Variants in HMX2 observed in about 807,000 individuals in gnomAD.
The protein encoded by HMX2 is H6 family homeobox 2, also known as homeobox protein HMX2.
A neutral mutation model predicts 21.2 loss-of-function variants in HMX2; 15 were observed. The observed-to-expected ratio is 0.71, with a 90% CI of 0.47 to 1.09. The LOEUF (loss-of-function observed/expected upper bound fraction) is 1.09. Among genes scored for constraint, HMX2 ranks in the 50% least tolerant of loss-of-function variants. The pLI is 0.00. For missense variants in HMX2, 440 were observed against 381.5 expected (o/e 1.15, Z -1.28); for synonymous variants, 193 against 181.0 (o/e 1.07, Z -0.53).
In HMX2 at chr10:123,148,385, A is replaced by G; in HGVS notation, c.7A>G (p.Ser3Gly). The G allele has an allele frequency of 6.2e-7, 1 of 1,613,236 alleles. No homozygotes were observed. The highest frequency in any genetic ancestry group is 1.3e-5 in the African/African-American group (1 of 74,950). ...GATTTCTTATGAACCCAGGATGGGC[A>G]GCAAAGAAGATGCGGGCAAGGGGTG... Reference protein sequence around the residue: MGSKEDAGKGCPA... With the variant: MGGKEDAGKGCPA... Residue 3 changes from serine to glycine, a missense_variant, in exon 1 of 2, where the codon AGC becomes GGC. By Grantham distance (56) the Ser-to-Gly change is moderately conservative. Coordinates refer to ENST00000339992, the MANE Select transcript of HMX2 (RefSeq NM_005519.2).
chr10:123,150,186 G>A lies in HMX2; in HGVS notation c.*63G>A. On this transcript the variant is annotated 3_prime_UTR_variant, in exon 2 of 2. Transcript: ENST00000339992. The surrounding 1 kb of genome is among the most constrained non-coding windows in gnomAD (Gnocchi z 4.2). ...GAGCCGGGCGCGTACTGTACTGTAA[G>A]CAGGGCTCCGGAGCAAGGCGGCGTG... The A allele has an allele frequency of 7.4e-7, 1 of 1,357,132 alleles. No homozygotes were observed. Among genetic ancestry groups the A allele is most frequent in the Non-Finnish European group, 9.8e-7 (1 of 1,021,774 alleles). 84.1% of individuals were successfully genotyped at this position (1,357,132 alleles called of 1,614,324 possible).
At position 123,149,065 on chromosome 10, in the gene HMX2, T is replaced by TTC. The variant is rs141749689; in HGVS notation, c.268+430_268+431dup. ...CCTCACTCGCTCCGTATCTCTGCCT[T>TTC]TCTCTCTCTCTCCTCCTTGGAATGA... On this transcript the variant is annotated intron_variant, in intron 1 of 1. Coordinates refer to ENST00000339992, the MANE Select transcript of HMX2 (RefSeq NM_005519.2). This position sits in a 1 kb window ranked among gnomAD's most constrained non-coding sequence, Gnocchi z 5.4. Among the ~76,000 whole-genome samples the TTC allele has an allele frequency of 6.2e-4, 95 of 152,220 alleles. No individual in the cohort carries two copies. Among genetic ancestry groups the TTC allele is most frequent in the African/African-American group, 2.0e-3 (81 of 41,532 alleles).
rs752390801 is a variant in HMX2, at chr10:123,149,658, G to T, written c.357G>T (p.Glu119Asp). Residue 119 changes from glutamate (E) to aspartate (D), a missense_variant, in exon 2 of 2, where the codon GAG (glutamate) becomes GAT (aspartate). By Grantham distance (45) the Glu-to-Asp change is conservative. Transcript: ENST00000339992. The surrounding 1 kb of genome is among the most constrained non-coding windows in gnomAD (Gnocchi z 5.4). ...LSPSHSDFKE[E>D]KERLLPAGSP... ...CTTCGCACTCGGACTTTAAAGAAGA[G>T]AAAGAGAGGCTCCTGCCCGCGGGCT... 27 of 1,559,430 alleles carry T rather than the reference G, an allele frequency of 1.7e-5. No individual in the cohort carries two copies. The highest frequency in any genetic ancestry group is 2.2e-5 in the Non-Finnish European group (25 of 1,159,074).
Position 123,150,157 on chromosome 10 carries a change from C to A in HMX2, c.*34C>A, listed in dbSNP as rs1346623023. 6.7e-7 allele frequency: 1 copy of A among 1,491,952 alleles called. No individual in the cohort carries two copies. The highest frequency in any genetic ancestry group is 1.3e-5 in the South Asian group (1 of 77,744). 92.4% of individuals were successfully genotyped at this position (1,491,952 alleles called of 1,614,324 possible). A position where few individuals can be genotyped will look rare whatever the true frequency, so the allele number is the denominator to read the frequency against. On this transcript the variant is annotated 3_prime_UTR_variant, in exon 2 of 2. Coordinates refer to ENST00000339992, the MANE Select transcript of HMX2 (RefSeq NM_005519.2). The surrounding 1 kb of genome is among the most constrained non-coding windows in gnomAD (Gnocchi z 4.2). ...CCGCCCCGCGCCGCCCCCAGCTGCC[C>A]GCAGAGCCGGGCGCGTACTGTACTG...
In HMX2 at chr10:123,148,150, G is replaced by C. The variant is rs550247997; in HGVS notation, c.-229G>C. 1 of 555,544 alleles carries C rather than the reference G, an allele frequency of 1.8e-6. No homozygotes were observed. Among genetic ancestry groups the C allele is most frequent in the East Asian group, 3.3e-5 (1 of 30,044 alleles). The allele number at this position is 555,544 out of a possible 1,614,324, so 34.4% of individuals were successfully genotyped here. A position where few individuals can be genotyped will look rare whatever the true frequency, so the allele number is the denominator to read the frequency against. On this transcript the variant is annotated 5_prime_UTR_variant, in exon 1 of 2. Coordinates refer to ENST00000339992, the MANE Select transcript of HMX2 (RefSeq NM_005519.2). ...GCGAGGAAGGGGCATTTGCACCGGG[G>C]CTGGGCGGGCGCACCCAGAGCCAGG... is the stretch of plus-strand genomic sequence containing the variant.
Position 123,148,243 on chromosome 10 carries a change from G to A in HMX2, c.-136G>A, listed in dbSNP as rs1844220097. 2.2e-6 allele frequency: 2 copies of A among 913,012 alleles called. No individual in the cohort carries two copies. The highest frequency in any genetic ancestry group is 3.0e-5 in the South Asian group (2 of 65,914). 56.6% of individuals were successfully genotyped at this position (913,012 alleles called of 1,614,324 possible). A position where few individuals can be genotyped will look rare whatever the true frequency, so the allele number is the denominator to read the frequency against. ...CTGGCGCGGAAGGGACGCCTCACCA[G>A]CCTCGGCGCCCCCTCCCCCTAGATT... On this transcript the variant is annotated 5_prime_UTR_variant, in exon 1 of 2. Coordinates refer to ENST00000339992, the MANE Select transcript of HMX2 (RefSeq NM_005519.2).
intron 1 of HMX2, among the ~76,000 whole-genome samples, chr10:123,148,861 C>T (rs118129554): frequency 0.11 from 16,442 of 152,184 alleles, 920 homozygotes; most frequent in African/African-American, 0.12. Context: ...CTTGGGCTTC[C>T]TGGGGAAGGT....
Position 123,148,491 on chromosome 10 carries a change from T to G in HMX2, c.113T>G (p.Val38Gly). 6.2e-7 allele frequency: 1 copy of G among 1,612,264 alleles called. No homozygotes were observed. The highest frequency in any genetic ancestry group is 8.5e-7 in the Non-Finnish European group (1 of 1,179,258). Reference sequence around the variant, plus strand: ...CCCTCGGAGGCACCGCGGGAGCCCGTCGGCTGGCCAGCCAGGAAGCGCAGC... The same window carrying G: ...CCCTCGGAGGCACCGCGGGAGCCCGGCGGCTGGCCAGCCAGGAAGCGCAGC... ...GGPSEAPREP[V>G]GWPARKRSLS... Residue 38 changes from valine (V) to glycine (G), a missense_variant, in exon 1 of 2, where the codon GTC (valine) becomes GGC (glycine). By Grantham distance (109) the Val-to-Gly change is moderately radical. Coordinates refer to ENST00000339992, the MANE Select transcript of HMX2 (RefSeq NM_005519.2).
At position 123,148,443 on chromosome 10, in the gene HMX2, T is replaced by C. The variant is rs1844223750; in HGVS notation, c.65T>C (p.Ile22Thr). 1.1e-5 allele frequency: 17 copies of C among 1,613,192 alleles called. No individual in the cohort carries two copies. The highest frequency in any genetic ancestry group is 1.4e-5 in the Non-Finnish European group (17 of 1,179,696). ...GCCGGTGGCGTCTCCAGCTTCACCA[T>C]CCAGTCCATCCTGGGCGGGGGCCCC... ...PAAGGVSSFTIQSILGGGPSE... is the reference protein window; with the variant it reads ...PAAGGVSSFTTQSILGGGPSE... The change falls in exon 1 of 2, where the codon ATC becomes ACC. Residue 22 changes from isoleucine to threonine, a missense_variant. Ile to Thr is a moderately conservative substitution (Grantham distance 89, BLOSUM62 -1). Coordinates refer to ENST00000339992, the MANE Select transcript of HMX2 (RefSeq NM_005519.2).
chr10:123,150,031 C>T lies in HMX2; in HGVS notation c.730C>T (p.Arg244Cys). The change falls in exon 2 of 2, where the codon CGC becomes TGC. Residue 244 changes from arginine (R) to cysteine (C), a missense_variant. Transcript: ENST00000339992. This position sits in a 1 kb window ranked among gnomAD's most constrained non-coding sequence, Gnocchi z 4.2. ...TTCGCTGCTGCGCGTGCCGGTGCCG[C>T]GCTCGCTCGCCTTTCCCGCGCCGCT... ...DSSLLRVPVP[R>C]SLAFPAPLYY... 3.1e-6 allele frequency: 5 copies of T among 1,606,416 alleles called. No individual in the cohort carries two copies. The highest frequency in any genetic ancestry group is 4.2e-6 in the Non-Finnish European group (5 of 1,178,142).
chr10:123,150,536 G>A lies in HMX2; in HGVS notation c.*413G>A, dbSNP rs1564778913. 2 of 158,670 alleles carry A rather than the reference G, an allele frequency of 1.3e-5. No individual in the cohort carries two copies. Among genetic ancestry groups the A allele is most frequent in the Non-Finnish European group, 2.7e-5 (2 of 72,796 alleles). 9.8% of individuals were successfully genotyped at this position (158,670 alleles called of 1,614,324 possible). ...ATGCATACACGCTCGGCCAAGCCAG[G>A]CCCTCAGAGGCTTTGGACAATTACT... On this transcript the variant is annotated 3_prime_UTR_variant, in exon 2 of 2. Coordinates refer to ENST00000339992, the MANE Select transcript of HMX2 (RefSeq NM_005519.2). This position sits in a 1 kb window ranked among gnomAD's most constrained non-coding sequence, Gnocchi z 4.2.
At position 123,149,546 on chromosome 10, in the gene HMX2, T is replaced by G; in HGVS notation, c.269-24T>G. 1 of 1,422,962 alleles carries G rather than the reference T, an allele frequency of 7.0e-7. No individual in the cohort carries two copies. Among genetic ancestry groups the G allele is most frequent in the South Asian group, 1.7e-5 (1 of 58,138 alleles). The allele number at this position is 1,422,962 out of a possible 1,614,324, so 88.1% of individuals were successfully genotyped here. A position where few individuals can be genotyped will look rare whatever the true frequency, so the allele number is the denominator to read the frequency against. ...AGGCTCCCCAACCAACTCCATGGCC[T>G]TTCTGTCTGTTCTCGCTCCTCAGGT... On this transcript the variant is annotated intron_variant, in intron 1 of 1. Transcript: ENST00000339992. The surrounding 1 kb of genome is among the most constrained non-coding windows in gnomAD (Gnocchi z 5.4).
chr10:123,149,741 C>T lies in HMX2; in HGVS notation c.440C>T (p.Ala147Val). 6.5e-7 allele frequency: 1 copy of T among 1,536,508 alleles called. No individual in the cohort carries two copies. Among genetic ancestry groups the T allele is most frequent in the Non-Finnish European group, 8.7e-7 (1 of 1,146,064 alleles). Residue 147 changes from alanine (A) to valine (V), a missense_variant, in exon 2 of 2, where the codon GCG (alanine) becomes GTG (valine). Ala to Val is a moderately conservative substitution (Grantham distance 64, BLOSUM62 0). Transcript: ENST00000339992. This position sits in a 1 kb window ranked among gnomAD's most constrained non-coding sequence, Gnocchi z 5.4. ...RDGGAERQAG[A>V]AKKKTRTVFS... ...GGCGGCGCTGAGCGGCAGGCCGGCG[C>T]GGCCAAGAAGAAGACGCGCACCGTC...
Position 123,148,482 on chromosome 10 carries a change from G to C in HMX2, c.104G>C (p.Arg35Pro). ...GGCGGGGGCCCCTCGGAGGCACCGC[G>C]GGAGCCCGTCGGCTGGCCAGCCAGG... ...ILGGGPSEAP[R>P]EPVGWPARKR... Residue 35 changes from arginine to proline, a missense_variant, in exon 1 of 2, where the codon CGG (arginine) becomes CCG (proline). Coordinates refer to ENST00000339992, the MANE Select transcript of HMX2 (RefSeq NM_005519.2). The C allele has an allele frequency of 6.2e-7, 1 of 1,612,598 alleles. No individual in the cohort carries two copies. The highest frequency in any genetic ancestry group is 1.1e-5 in the South Asian group (1 of 91,012).
rs763977993 is a variant in HMX2, at chr10:123,149,716, G to T, written c.415G>T (p.Gly139Cys). 5 of 1,556,968 alleles carry T rather than the reference G, an allele frequency of 3.2e-6. No homozygotes were observed. The highest frequency in any genetic ancestry group is 4.3e-6 in the Non-Finnish European group (5 of 1,156,848). Residue 139 changes from glycine to cysteine, a missense_variant, in exon 2 of 2, where the codon GGC becomes TGC. Gly to Cys is a radical substitution (Grantham distance 159). Coordinates refer to ENST00000339992, the MANE Select transcript of HMX2 (RefSeq NM_005519.2). This position sits in a 1 kb window ranked among gnomAD's most constrained non-coding sequence, Gnocchi z 5.4. ...GCCGGGGTCCGAGCGGCCGCGGGAC[G>T]GCGGCGCTGAGCGGCAGGCCGGCGC... is the stretch of plus-strand genomic sequence containing the variant. The part of the protein sequence containing the change: ...PSPGSERPRD[G>C]GAERQAGAAK...
At chr10:123,148,923 C>A (rs772527001) in intron 1 of HMX2, among the ~76,000 whole-genome samples, 16 of 152,220 alleles carry the variant, frequency 1.1e-4, no homozygotes, top group Non-Finnish European at 1.9e-4. Flanking sequence ...GCCGGCCTTA[C>A]ACCCGGCTGT....
rs1006840079 is a variant in HMX2, at chr10:123,148,213, T to C, written c.-166T>C. The C allele has an allele frequency of 1.4e-6, 1 of 713,490 alleles. No homozygotes were observed. Among genetic ancestry groups the C allele is most frequent in the Non-Finnish European group, 2.3e-6 (1 of 430,288 alleles). The allele number at this position is 713,490 out of a possible 1,614,324, so 44.2% of individuals were successfully genotyped here. On this transcript the variant is annotated 5_prime_UTR_variant, in exon 1 of 2. An upstream start codon of the reference 5' UTR is lost. Transcript: ENST00000339992. Reference sequence around the variant, plus strand: ...CCTGCGCAGCCATCCGGTGCCTGCATGTCCCTGGCGCGGAAGGGACGCCTC... The same window carrying C: ...CCTGCGCAGCCATCCGGTGCCTGCACGTCCCTGGCGCGGAAGGGACGCCTC...
chr10:123,148,614 A>G lies in HMX2; in HGVS notation c.236A>G (p.Lys79Arg), dbSNP rs761493258. The G allele has an allele frequency of 1.9e-6, 3 of 1,612,416 alleles. No individual in the cohort carries two copies. Among genetic ancestry groups the G allele is most frequent in the East Asian group, 2.2e-5 (1 of 44,694 alleles). Residue 79 changes from lysine to arginine, a missense_variant, in exon 1 of 2, where the codon AAG becomes AGG. Lys to Arg is a conservative substitution (Grantham distance 26). Coordinates refer to ENST00000339992, the MANE Select transcript of HMX2 (RefSeq NM_005519.2). ...DQHGPKEQGPKHHPPIPFPCL... is the reference protein window; with the variant it reads ...DQHGPKEQGPRHHPPIPFPCL... ...CACGGCCCTAAGGAGCAGGGCCCCA[A>G]GCACCATCCCCCCATCCCTTTTCCT...
In HMX2 at chr10:123,149,765, T is replaced by C; in HGVS notation, c.464T>C (p.Val155Ala). Residue 155 changes from valine (V) to alanine (A), a missense_variant, in exon 2 of 2, where the codon GTC becomes GCC. Physicochemically the swap from Val to Ala is moderately conservative, Grantham distance 64. Transcript: ENST00000339992. The surrounding 1 kb of genome is among the most constrained non-coding windows in gnomAD (Gnocchi z 5.4). ...GCGGCCAAGAAGAAGACGCGCACCGTCTTTTCGCGCAGCCAGGTGTACCAG... is the reference window on the plus strand; with the variant it reads ...GCGGCCAAGAAGAAGACGCGCACCGCCTTTTCGCGCAGCCAGGTGTACCAG... ...AGAAKKKTRT[V>A]FSRSQVYQLE... 6.3e-7 allele frequency: 1 copy of C among 1,592,776 alleles called. No homozygotes were observed. Among genetic ancestry groups the C allele is most frequent in the Non-Finnish European group, 8.5e-7 (1 of 1,169,682 alleles).
Sources: allele counts gnomAD v4.1 joint callset (sites outside exome capture counted in the v4.1 genomes callset), GRCh38; gene constraint gnomAD v4.1.1; non-coding constraint Gnocchi (gnomAD v3.1); transcripts MANE v1.5; gene names NCBI Gene and HGNC (gene_info 2026-07-23, HGNC 2026-07-21).